Variants in ATP6V0A4 observed in about 807,000 individuals in gnomAD.
ATP6V0A4 encodes ATPase H+ transporting V0 subunit a4, also known as V-type proton ATPase 116 kDa subunit a 4.
A neutral mutation model predicts 107.3 loss-of-function variants in ATP6V0A4; 86 were observed. The ratio of observed to expected loss-of-function variants is 0.80; its 90% confidence interval spans 0.67 to 0.96. The LOEUF is 0.96. Among genes scored for constraint, ATP6V0A4 ranks in the 40% least tolerant of loss-of-function variants. The probability of loss-of-function intolerance (pLI) is 0.00; values close to 1 mark genes in which losing one functional copy is unlikely to be tolerated. For missense variants in ATP6V0A4, 908 were observed against 1,045.6 expected, an observed-to-expected ratio of 0.87 and a Z score of 1.81; for synonymous variants, 353 against 381.4, an observed-to-expected ratio of 0.93 and a Z score of 0.87.
intron 19 of ATP6V0A4, among the ~76,000 whole-genome samples, chr7:138,719,135 A>G (rs1804303462): frequency 6.6e-6 from 1 of 152,088 alleles, no homozygotes; most frequent in Non-Finnish European, 1.5e-5. Context: ...GCTGTGAGCC[A>G]TGATTGTGCC....
At chr7:138,716,679 T>A (rs1804058960) in intron 19 of ATP6V0A4, among the ~76,000 whole-genome samples, 1 of 152,096 alleles carries the variant, frequency 6.6e-6, no homozygotes, top group South Asian at 2.1e-4. Context: ...TCCTCCCATC[T>A]CAGCCTACCG....
chr7:138,732,239 C>T (rs1398334259), intron 17 of ATP6V0A4, among the ~76,000 whole-genome samples: 1 of 152,142 alleles, frequency 6.6e-6, no homozygotes, highest in Non-Finnish European at 1.5e-5. Flanking sequence ...CCATATAGAA[C>T]ATTCTACAGC....
intron 5 of ATP6V0A4, among the ~76,000 whole-genome samples, chr7:138,767,971 T>C (rs1393358110): frequency 6.6e-6 from 1 of 152,204 alleles, no homozygotes; most frequent in Non-Finnish European, 1.5e-5. Context: ...TCTTGCTCTG[T>C]CGCCCAGGCT....
intron 19 of ATP6V0A4, 71 bp downstream of exon 19, chr7:138,721,826 C>G: frequency 6.3e-7 from 1 of 1,584,684 alleles, no homozygotes; most frequent in Non-Finnish European, 8.7e-7. Flanking sequence ...CCACCCAGCT[C>G]TACTGCCTAT....
chr7:138,755,944 G>T, intron 9 of ATP6V0A4, 162 bp from the exon 10 acceptor site: 1 of 1,309,690 alleles, frequency 7.6e-7, no homozygotes. Flanking sequence ...CAGTCATAAG[G>T]GTTCCCAGTA....
In ATP6V0A4 at chr7:138,732,901, G is replaced by T. The variant is rs751542587; in HGVS notation, c.1884C>A (p.Ser628=). 6 of 1,612,998 alleles carry T rather than the reference G, an allele frequency of 3.7e-6. No homozygotes were observed. The highest frequency in any genetic ancestry group is 5.1e-6 in the Non-Finnish European group (6 of 1,179,452). Residue 628 remains serine (S), a synonymous_variant, in exon 17 of 22, where the codon TCC becomes TCA. Coordinates refer to ENST00000310018, the MANE Select transcript of ATP6V0A4 (RefSeq NM_020632.3). ...NMFLFNYSDS[S]NAPLYKHQQE... ...CCTGATGTTTGTAGAGGGGTGCGTT[G>T]GAAGAGTCACTGTAGTTAAACAGAA...
intron 21 of ATP6V0A4, 75 bp downstream of exon 21, chr7:138,709,549 A>T: frequency 1.4e-6 from 2 of 1,426,158 alleles, no homozygotes; most frequent in South Asian, 2.3e-5. Context: ...CACGATCTGA[A>T]CCCAGTCGGC....
At chr7:138,720,573 G>C (rs2117209342) in intron 19 of ATP6V0A4, among the ~76,000 whole-genome samples, 1 of 152,190 alleles carries the variant, frequency 6.6e-6, no homozygotes, top group South Asian at 2.1e-4. Context: ...GGATCACTCT[G>C]TACCTAGAAT....
chr7:138,731,457 GA>G (rs1435743485), intron 17 of ATP6V0A4, among the ~76,000 whole-genome samples: 1 of 152,134 alleles, frequency 6.6e-6, no homozygotes, highest in Non-Finnish European at 1.5e-5. Context: ...CTTTTTTAGT[GA>G]AAATCTACCC....
At position 138,763,067 on chromosome 7, in the gene ATP6V0A4, T is replaced by C. The variant is rs73463939; in HGVS notation, c.292-42A>G. On this transcript the variant is annotated intron_variant, in intron 5 of 21. Coordinates refer to ENST00000310018, the MANE Select transcript of ATP6V0A4 (RefSeq NM_020632.3). ...AAGAAGGTAAGCCAACAGAAAGTGCTATGACATTCCTGAAATACATTACCC... is the reference window on the plus strand; with the variant it reads ...AAGAAGGTAAGCCAACAGAAAGTGCCATGACATTCCTGAAATACATTACCC... 3.4e-3 allele frequency: 5,549 copies of C among 1,611,264 alleles called. 162 individuals are homozygous for C. The African/African-American group carries it at 0.058, about 17-fold the overall frequency.
intron 18 of ATP6V0A4, among the ~76,000 whole-genome samples, chr7:138,726,616 TAGGATTTCATGA>T (rs1448028806): frequency 5.3e-5 from 8 of 152,312 alleles, no homozygotes; most frequent in Admixed American, 3.3e-4. Flanking sequence ...ATTAGGTCTG[TAGGATTTCATGA>T]AGGAGAGGTG....
At chr7:138,738,892 T>A (rs1167520920) in intron 15 of ATP6V0A4, among the ~76,000 whole-genome samples, 1 of 152,148 alleles carries the variant, frequency 6.6e-6, no homozygotes, top group African/African-American at 2.4e-5. Context: ...TCACGCTCAT[T>A]TGGAGCACAA....
intron 15 of ATP6V0A4, among the ~76,000 whole-genome samples, chr7:138,738,593 C>T (rs1805464112): frequency 6.6e-6 from 1 of 151,950 alleles, no homozygotes; most frequent in Non-Finnish European, 1.5e-5. Flanking sequence ...AGGACTTTAC[C>T]ACTTTTGATA....
At chr7:138,745,568 T>C (rs1231898366) in intron 13 of ATP6V0A4, among the ~76,000 whole-genome samples, 2 of 150,022 alleles carry the variant, frequency 1.3e-5, no homozygotes, top group East Asian at 2.0e-4. Flanking sequence ...TCCCAGCTAC[T>C]TGGGAGGCCG....
intron 10 of ATP6V0A4, among the ~76,000 whole-genome samples, chr7:138,754,548 A>G (rs961008054): frequency 6.6e-6 from 1 of 152,256 alleles, no homozygotes; most frequent in Non-Finnish European, 1.5e-5. Flanking sequence ...ATTTCTTAAC[A>G]TACTTGTCCA....
At chr7:138,724,293 T>C (rs1053303579) in intron 18 of ATP6V0A4, among the ~76,000 whole-genome samples, 1 of 152,026 alleles carries the variant, frequency 6.6e-6, no homozygotes, top group African/African-American at 2.4e-5. Context: ...ATTCACGCCA[T>C]GCCATGGCAG....
chr7:138,708,471 T>G lies in ATP6V0A4; in HGVS notation c.2429+1153A>C, dbSNP rs189173183. On this transcript the variant is annotated intron_variant, in intron 21 of 21. Coordinates refer to ENST00000310018, the MANE Select transcript of ATP6V0A4 (RefSeq NM_020632.3). ...ACTCAGTACATGAAGTGCAAAGGCTTCTTTATGAATAGTGGCCATAGAGGG... is the reference window on the plus strand; with the variant it reads ...ACTCAGTACATGAAGTGCAAAGGCTGCTTTATGAATAGTGGCCATAGAGGG... Among the ~76,000 whole-genome samples, 630 of 152,246 alleles carry G rather than the reference T, an allele frequency of 4.1e-3. 4 individuals are homozygous for G. The highest frequency in any genetic ancestry group is 6.3e-3 in the Non-Finnish European group (430 of 68,018).
intron 17 of ATP6V0A4, among the ~76,000 whole-genome samples, chr7:138,731,449 T>A (rs1805010951): frequency 6.6e-6 from 1 of 152,284 alleles, no homozygotes; most frequent in South Asian, 2.1e-4. Flanking sequence ...AAATGGGTCT[T>A]TTTTAGTGAA....
chr7:138,733,176 C>CACA (rs1562989928), intron 16 of ATP6V0A4, 83 bp from the exon 17 acceptor site: 312 of 1,580,154 alleles, frequency 2.0e-4, no homozygotes, highest in Non-Finnish European at 2.0e-5. Context: ...AGCACAAAAG[C>CACA]ACAAAATGTT....
Sources: allele counts gnomAD v4.1 joint callset (sites outside exome capture counted in the v4.1 genomes callset), GRCh38; gene constraint gnomAD v4.1.1; transcripts MANE v1.5; gene names NCBI Gene and HGNC (gene_info 2026-07-23, HGNC 2026-07-21).